The following GLIS3 variants were observed in gnomAD, a reference collection of about 807,000 sequenced individuals.
The protein encoded by GLIS3 is zinc finger protein GLIS3.
In GLIS3, 53 loss-of-function variants were observed where a neutral mutation model predicts 78.6. That is an observed-to-expected ratio of 0.67 (90% CI 0.54 to 0.85). GLIS3 has a LOEUF of 0.85. GLIS3 is among the 40% of genes least tolerant of loss of function. The pLI, the probability that GLIS3 is intolerant of heterozygous loss-of-function variation, is 0.00. For missense variants in GLIS3, 1,703 were observed against 1,231.1 expected (o/e 1.38, Z -5.74); for synonymous variants, 684 against 509.9 (o/e 1.34, Z -4.60).
chr9:4,057,702 C>T (rs891864121), intron 4 of GLIS3, among the ~76,000 whole-genome samples: 2 of 110,758 alleles, frequency 1.8e-5, no homozygotes, highest in African/African-American at 5.0e-5. Context: ...CAGAAGAATG[C>T]AGCTAGGAAA....
At chr9:4,135,204 G>C (rs746527773) in intron 2 of GLIS3, among the ~76,000 whole-genome samples, 1 of 151,876 alleles carries the variant, frequency 6.6e-6, no homozygotes, top group African/African-American at 2.4e-5. Context: ...CTTTTATTTG[G>C]GATTATCTTT....
chr9:4,152,841 T>G (rs933641851), intron 2 of GLIS3, among the ~76,000 whole-genome samples: 1 of 152,190 alleles, frequency 6.6e-6, no homozygotes, highest in African/African-American at 2.4e-5. Flanking sequence ...TGAAGAAAAC[T>G]ACCTGTTTCT....
chr9:3,829,241 T>C lies in GLIS3; in HGVS notation c.2656+69A>G, dbSNP rs777469213. 10 of 1,425,368 alleles carry C rather than the reference T, an allele frequency of 7.0e-6. No individual in the cohort carries two copies. In the Middle Eastern group the frequency reaches 5.2e-4, roughly 74 times the overall value. The allele number at this position is 1,425,368 out of a possible 1,614,324, so 88.3% of individuals were successfully genotyped here. ...CTTGGTCACGTCCAGCCCAGGTCGG[T>C]CACGGGCAGCCCACCTGGTCTCTCC... On this transcript the variant is annotated intron_variant, in intron 10 of 10. Coordinates refer to ENST00000381971, the MANE Select transcript of GLIS3 (RefSeq NM_001042413.2).
chr9:3,952,190 G>C (rs1383427505), intron 4 of GLIS3, among the ~76,000 whole-genome samples: 1 of 152,064 alleles, frequency 6.6e-6, no homozygotes, highest in Non-Finnish European at 1.5e-5. Context: ...GTAAGCTTTT[G>C]ATATCTCAAA....
chr9:4,312,743 C>T (rs1321928679), intron 2 of GLIS3, among the ~76,000 whole-genome samples: 2 of 152,296 alleles, frequency 1.3e-5, no homozygotes, highest in African/African-American at 2.4e-5. Context: ...CTGAAGGAGG[C>T]CTTGGGGCTG....
chr9:4,284,214 G>C (rs1827792229), intron 2 of GLIS3, among the ~76,000 whole-genome samples: 1 of 152,330 alleles, frequency 6.6e-6, no homozygotes, highest in East Asian at 1.9e-4. Context: ...ACTCAGTGCT[G>C]TTTGAGGAAT....
chr9:4,349,429 C>T (rs1286255728), upstream of GLIS3, among the ~76,000 whole-genome samples: 1 of 152,100 alleles, frequency 6.6e-6, no homozygotes, highest in Non-Finnish European at 1.5e-5. Context: ...CTGGCATGCA[C>T]ATTGCATACA....
At chr9:4,094,627 G>A (rs561652489) in intron 4 of GLIS3, among the ~76,000 whole-genome samples, 7 of 152,158 alleles carry the variant, frequency 4.6e-5, no homozygotes, top group Non-Finnish European at 7.3e-5. Flanking sequence ...GGGTATTTAT[G>A]TGCACATATC....
chr9:3,896,670 T>TTAAAAAAAAAAAAAAAAA (rs1554641917), intron 7 of GLIS3, among the ~76,000 whole-genome samples: 2 of 49,982 alleles, frequency 4.0e-5, no homozygotes, highest in African/African-American at 8.3e-5. Flanking sequence ...CCATCTCAAT[T>TTAAAAAAAAAAAAAAAAA]AAAAAAAAAA....
chr9:4,176,804 A>G (rs2131153216), intron 2 of GLIS3, among the ~76,000 whole-genome samples: 1 of 152,336 alleles, frequency 6.6e-6, no homozygotes, highest in Admixed American at 6.5e-5. Flanking sequence ...TTGTATTTTT[A>G]GTAGACATGG....
At chr9:4,330,657 TGAGATG>T (rs1159548373) in intron 2 of GLIS3, among the ~76,000 whole-genome samples, 1 of 150,032 alleles carries the variant, frequency 6.7e-6, no homozygotes, top group South Asian at 2.1e-4. Flanking sequence ...AGGTGAAGGT[TGAGATG>T]GAGATGAAGA....
chr9:3,872,490 G>A (rs2096763859), intron 8 of GLIS3, among the ~76,000 whole-genome samples: 2 of 152,208 alleles, frequency 1.3e-5, no homozygotes, highest in African/African-American at 2.4e-5. Context: ...TTACAATCAT[G>A]GCAGATTGTA....
chr9:4,244,372 T>C (rs1430370170), intron 2 of GLIS3, among the ~76,000 whole-genome samples: 1 of 152,242 alleles, frequency 6.6e-6, no homozygotes, highest in Admixed American at 6.5e-5. Context: ...CCCAAACCTG[T>C]TAATGTCAGA....
chr9:4,158,936 T>C (rs1350953039), intron 2 of GLIS3, among the ~76,000 whole-genome samples: 1 of 149,306 alleles, frequency 6.7e-6, no homozygotes, highest in Non-Finnish European at 1.5e-5. Flanking sequence ...AAACCAGCCA[T>C]GTAACAATAC....
chr9:4,069,577 CTTG>C (rs1439526119), intron 4 of GLIS3, among the ~76,000 whole-genome samples: 1 of 152,136 alleles, frequency 6.6e-6, no homozygotes, highest in Admixed American at 6.6e-5. Flanking sequence ...CAAATACTAG[CTTG>C]TTGTTTTTTC....
rs1332000724 is a variant in GLIS3, at chr9:4,299,558, T to A, written c.-236A>T. ...GCCCTTCAGAGCGCTCCGCGGGCTG[T>A]GCCTCCTTCGGAAATGAAAACCCCC... On this transcript the variant is annotated 5_prime_UTR_variant, in exon 1 of 11. Transcript: ENST00000381971. 2 of 152,494 alleles carry A rather than the reference T, an allele frequency of 1.3e-5. No individual in the cohort carries two copies. The highest frequency in any genetic ancestry group is 4.8e-5 in the African/African-American group (2 of 41,408). The allele number at this position is 152,494 out of a possible 1,614,324, so 9.4% of individuals were successfully genotyped here.
intron 8 of GLIS3, among the ~76,000 whole-genome samples, chr9:3,864,375 A>C (rs1450973921): frequency 6.6e-6 from 1 of 152,220 alleles, no homozygotes; most frequent in Non-Finnish European, 1.5e-5. Flanking sequence ...AATCAGTGTT[A>C]TTTTTGTCTA....
intron 2 of GLIS3, among the ~76,000 whole-genome samples, chr9:4,322,382 G>C (rs564202399): frequency 6.6e-6 from 1 of 152,028 alleles, no homozygotes; most frequent in East Asian, 1.9e-4. Flanking sequence ...ATAATCCTTT[G>C]GGTATATACT....
In GLIS3 at chr9:4,118,107, G is replaced by A. The variant is rs753913493; in HGVS notation, c.1371C>T (p.Gly457=). Residue 457 remains glycine, a synonymous_variant, in exon 4 of 11, where the codon GGC becomes GGT. Coordinates refer to ENST00000381971, the MANE Select transcript of GLIS3 (RefSeq NM_001042413.2). This position sits in a 1 kb window ranked among gnomAD's most constrained non-coding sequence, Gnocchi z 4.7. ...CATGGGCATGGTAAGGGGGTGGGGG[G>A]CCTGGGGGCGGCGGCAGAGGAGGGA... ...PPLPPLPPPP[G]PPPPYHAHAH... is the part of the protein sequence containing the mutation. The A allele has an allele frequency of 1.2e-5, 18 of 1,530,490 alleles. No homozygotes were observed. The East Asian group carries it at 1.4e-4, about 12-fold the overall frequency. The allele number at this position is 1,530,490 out of a possible 1,614,324, so 94.8% of individuals were successfully genotyped here.
Sources: gnomAD v4.1 joint callset for allele counts (sites outside exome capture counted in the v4.1 genomes callset) on GRCh38, gnomAD v4.1.1 for gene constraint, Gnocchi (gnomAD v3.1) non-coding constraint, MANE v1.5 for transcripts, NCBI Gene and HGNC (gene_info 2026-07-23, HGNC 2026-07-21) for gene names.